ARID4B: variants seen among roughly 807,000 people sequenced by gnomAD.
ARID4B encodes AT-rich interactive domain-containing protein 4B.
In ARID4B, 26 loss-of-function variants were observed where a neutral mutation model predicts 147.5. The ratio of observed to expected loss-of-function variants is 0.18; its 90% CI spans 0.13 to 0.24. The LOEUF (loss-of-function observed/expected upper bound fraction) is 0.24. ARID4B is among the 10% of genes least tolerant of loss of function. The pLI is 1.00. For missense variants in ARID4B, 1,179 were observed against 1,511.5 expected (o/e 0.78, Z 3.65); for synonymous variants, 512 against 507.9 (o/e 1.01, Z -0.11).
intron 5 of ARID4B, among the ~76,000 whole-genome samples, chr1:235,253,987 A>G (rs1255902879): frequency 3.9e-5 from 6 of 152,200 alleles, no homozygotes; most frequent in Admixed American, 2.0e-4. Flanking sequence ...TATACGTTAC[A>G]TAACAAGTTA....
intron 2 of ARID4B, among the ~76,000 whole-genome samples, chr1:235,278,786 CTG>C (rs1232076833): frequency 6.6e-6 from 1 of 152,174 alleles, no homozygotes; most frequent in Non-Finnish European, 1.5e-5. Context: ...TTTTGGCACA[CTG>C]TATTTGGTAT....
chr1:235,327,191 A>G (rs1675344022), intron 1 of ARID4B: 1 of 432,062 alleles, frequency 2.3e-6, no homozygotes, highest in South Asian at 3.0e-5. Context: ...CCCATTGTCG[A>G]GACCCGACGG....
At position 235,263,768 on chromosome 1, in the gene ARID4B, A is replaced by G. The variant is rs1003641707; in HGVS notation, c.7-3016T>C. On this transcript the variant is annotated intron_variant, in intron 2 of 23. Transcript: ENST00000264183. Reference sequence around the variant, plus strand: ...TTTGGGAGGCTGAGGCGGGCGGATCACGAGGTCAGGAGATCAAAACCATCC... The same window carrying G: ...TTTGGGAGGCTGAGGCGGGCGGATCGCGAGGTCAGGAGATCAAAACCATCC... Among the ~76,000 whole-genome samples, 5 of 152,086 alleles carry G rather than the reference A, an allele frequency of 3.3e-5. 1 individual carries two copies.
intron 2 of ARID4B, among the ~76,000 whole-genome samples, chr1:235,319,491 AC>A (rs1390540938): frequency 6.6e-6 from 1 of 152,250 alleles, no homozygotes; most frequent in Admixed American, 6.5e-5. Flanking sequence ...TGCCTGGGCA[AC>A]AGACTGTGGC....
intron 2 of ARID4B, among the ~76,000 whole-genome samples, chr1:235,313,551 G>C (rs1432522996): frequency 6.6e-6 from 1 of 152,042 alleles, no homozygotes; most frequent in African/African-American, 2.4e-5. Context: ...CACCACATCA[G>C]AACAGTATTC....
intron 17 of ARID4B, among the ~76,000 whole-genome samples, chr1:235,202,423 A>C (rs1333733196): frequency 6.6e-6 from 1 of 151,572 alleles, no homozygotes; most frequent in African/African-American, 2.4e-5. Flanking sequence ...TTGTCTGATA[A>C]TATTTCTATT....
At chr1:235,287,099 A>C (rs1484138516) in intron 2 of ARID4B, among the ~76,000 whole-genome samples, 1 of 152,080 alleles carries the variant, frequency 6.6e-6, no homozygotes, top group African/African-American at 2.4e-5. Flanking sequence ...GTCTCTACTA[A>C]AAATGCAAAA....
intron 2 of ARID4B, among the ~76,000 whole-genome samples, chr1:235,318,573 CG>C (rs1316276223): frequency 6.6e-6 from 1 of 152,108 alleles, no homozygotes; most frequent in Non-Finnish European, 1.5e-5. Context: ...GCCCAGAATA[CG>C]CAAATCCTTA....
intron 13 of ARID4B, 79 bp from the exon 14 acceptor site, chr1:235,221,741 G>GC: frequency 9.5e-6 from 6 of 630,182 alleles, no homozygotes; most frequent in South Asian, 5.4e-5. Context: ...CAGTATATAT[G>GC]AGTATATTTT....
intron 2 of ARID4B, among the ~76,000 whole-genome samples, chr1:235,291,407 C>CA (rs1461854831): frequency 8.0e-5 from 12 of 150,704 alleles, no homozygotes; most frequent in Non-Finnish European, 1.5e-4. Flanking sequence ...GACTCTGTCT[C>CA]AAAAAAATAA....
chr1:235,238,625 G>A (rs1159965205), intron 8 of ARID4B, among the ~76,000 whole-genome samples: 3 of 152,218 alleles, frequency 2.0e-5, no homozygotes, highest in African/African-American at 4.8e-5. Flanking sequence ...GGAAGCCAAG[G>A]TGGGAAGGTC....
chr1:235,194,391 A>G lies in ARID4B; in HGVS notation c.1927-180T>C, dbSNP rs1002520555. On this transcript the variant is annotated intron_variant, in intron 18 of 23. Transcript: ENST00000264183. Reference sequence around the variant, plus strand: ...TTAAAGCTACTTAACAAAATACTACACAGGATGATCAAAAGGTTTTGTATT... The same window carrying G: ...TTAAAGCTACTTAACAAAATACTACGCAGGATGATCAAAAGGTTTTGTATT... Among the ~76,000 whole-genome samples the G allele has an allele frequency of 8.5e-5, 13 of 152,336 alleles. 1 individual carries two copies. Among genetic ancestry groups the G allele is most frequent in the Admixed American group, 8.5e-4 (13 of 15,300 alleles).
rs1668608917 is a variant in ARID4B, at chr1:235,236,836, AT to A, written c.586-2345del. On this transcript the variant is annotated intron_variant, in intron 8 of 23. Coordinates refer to ENST00000264183, the MANE Select transcript of ARID4B (RefSeq NM_016374.6). ...CCCACAAAACGGTTTTATAAAAAAT[AT>A]ATATATATATATATATATATATATA... is the stretch of plus-strand genomic sequence containing the variant. 7.3e-4 allele frequency among the ~76,000 whole-genome samples: 18 copies of A among 24,794 alleles called. 3 individuals are homozygous for A. The East Asian group carries it at 0.01, about 14-fold the overall frequency. The allele number at this position is 24,794 out of a possible 152,430, so 16.3% of individuals were successfully genotyped here.
rs1401026144 is a variant in ARID4B, at chr1:235,167,117, C to T, written c.*1408G>A. The T allele has an allele frequency of 5.2e-6, 1 of 192,528 alleles. No individual in the cohort carries two copies. The highest frequency in any genetic ancestry group is 6.1e-5 in the Admixed American group (1 of 16,326). The allele number at this position is 192,528 out of a possible 1,614,324, so 11.9% of individuals were successfully genotyped here. A position where few individuals can be genotyped will look rare whatever the true frequency, so the allele number is the denominator to read the frequency against. On this transcript the variant is annotated 3_prime_UTR_variant, in exon 24 of 24. Transcript: ENST00000264183. The stretch of plus-strand genomic sequence containing the variant: ...AACAAAATTAGTTACTGTAAGCACA[C>T]ACTACAAGACTGAAAATGCTTTTCT...
chr1:235,235,141 T>G (rs1282931055), intron 8 of ARID4B, among the ~76,000 whole-genome samples: 1 of 152,116 alleles, frequency 6.6e-6, no homozygotes, highest in African/African-American at 2.4e-5. Flanking sequence ...AATAAGAGGA[T>G]GCTTAGTTTT....
rs1675309988 is a variant in ARID4B, at chr1:235,326,871, A to AAGG, written c.6+42_6+43insCCT. On this transcript the variant is annotated intron_variant, in intron 2 of 23. Coordinates refer to ENST00000264183, the MANE Select transcript of ARID4B (RefSeq NM_016374.6). The stretch of plus-strand genomic sequence containing the variant: ...CCTCGTCGAAACCTCCTACTTCCTG[A>AAGG]ATTCGATAACCCCAGAGATTCGTTT... 1.9e-6 allele frequency: 3 copies of AAGG among 1,612,134 alleles called. No homozygotes were observed. The African/African-American group carries it at 4.0e-5, about 22-fold the overall frequency.
chr1:235,198,131 A>G (rs1665627714), intron 17 of ARID4B, among the ~76,000 whole-genome samples: 1 of 152,226 alleles, frequency 6.6e-6, no homozygotes, highest in Admixed American at 6.5e-5. Flanking sequence ...AACTGAAGTC[A>G]GTTCATGATG....
At chr1:235,226,046 A>G (rs1426683728) in intron 11 of ARID4B, among the ~76,000 whole-genome samples, 2 of 152,226 alleles carry the variant, frequency 1.3e-5, no homozygotes, top group Admixed American at 6.5e-5. Flanking sequence ...CCATGGTACA[A>G]TATTTAACTT....
At position 235,278,340 on chromosome 1, in the gene ARID4B, T is replaced by C. The variant is rs117997098; in HGVS notation, c.7-17588A>G. The stretch of plus-strand genomic sequence containing the variant: ...CCCTCCTACCTAAATGTGTTAACCA[T>C]GCCCACCTAGCCTCCGTTCTGCTGG... On this transcript the variant is annotated intron_variant, in intron 2 of 23. Coordinates refer to ENST00000264183, the MANE Select transcript of ARID4B (RefSeq NM_016374.6). 2.9e-4 allele frequency among the ~76,000 whole-genome samples: 44 copies of C among 152,270 alleles called. No homozygotes were observed. The East Asian group carries it at 5.2e-3, about 18-fold the overall frequency.
Sources: allele counts gnomAD v4.1 joint callset (sites outside exome capture counted in the v4.1 genomes callset), GRCh38; gene constraint gnomAD v4.1.1; transcripts MANE v1.5; gene names NCBI Gene and HGNC (gene_info 2026-07-23, HGNC 2026-07-21).